Variants in UNC79 observed in about 807,000 individuals in gnomAD.
UNC79 encodes protein unc-79 homolog.
In UNC79, 37 loss-of-function variants were observed where a neutral mutation model predicts 283.1. The observed-to-expected ratio is 0.13, with a 90% CI of 0.10 to 0.17. The LOEUF is 0.17. UNC79 is among the 10% of genes least tolerant of loss of function. UNC79 has a pLI of 1.00. For synonymous variants in UNC79, 1,107 were observed against 1,200.2 expected, an observed-to-expected ratio of 0.92 and a Z score of 1.61; for missense variants, 2,272 against 3,211.1, an observed-to-expected ratio of 0.71 and a Z score of 7.07.
At position 93,603,105 on chromosome 14, in the gene UNC79, A is replaced by T. The variant is rs1035009417; in HGVS notation, c.3575-134A>T. On this transcript the variant is annotated intron_variant, in intron 25 of 48. Coordinates refer to ENST00000555664, the Ensembl canonical transcript of UNC79. ...GTTATTTTTGTATGTAGGACTCATC[A>T]TAGAGGGAGATGTATATCCATGAAA... 143 of 1,052,526 alleles carry T rather than the reference A, an allele frequency of 1.4e-4. No individual in the cohort carries two copies. In the Middle Eastern group the frequency reaches 2.8e-3, roughly 20 times the overall value. 65.2% of individuals were successfully genotyped at this position (1,052,526 alleles called of 1,614,324 possible). A position where few individuals can be genotyped will look rare whatever the true frequency, so the allele number is the denominator to read the frequency against.
At chr14:93,500,409 T>G (rs1479925691) in intron 7 of UNC79, among the ~76,000 whole-genome samples, 1 of 152,154 alleles carries the variant, frequency 6.6e-6, no homozygotes, top group Non-Finnish European at 1.5e-5. Flanking sequence ...GTAGCTCTCT[T>G]GAAACTCCCA....
chr14:93,632,057 C>T (rs1433772735), intron 31 of UNC79, among the ~76,000 whole-genome samples: 1 of 152,180 alleles, frequency 6.6e-6, no homozygotes, highest in Non-Finnish European at 1.5e-5. Flanking sequence ...AATTGAGATC[C>T]AGAGAAGCTA....
upstream of UNC79, among the ~76,000 whole-genome samples, chr14:93,426,441 T>C (rs1280875336): frequency 6.7e-6 from 1 of 150,322 alleles, no homozygotes; most frequent in Non-Finnish European, 1.5e-5. Flanking sequence ...TATTTTAAAA[T>C]AATATATTAA....
intron 4 of UNC79, among the ~76,000 whole-genome samples, chr14:93,478,463 T>C (rs928857798): frequency 2.6e-5 from 4 of 152,218 alleles, no homozygotes; most frequent in Admixed American, 2.6e-4. Context: ...GATTATGGAT[T>C]AATCTATGTT....
chr14:93,523,753 G>A (rs2060426086), intron 7 of UNC79, among the ~76,000 whole-genome samples: 1 of 152,168 alleles, frequency 6.6e-6, no homozygotes, highest in Admixed American at 6.5e-5. Flanking sequence ...TTGTGGTACT[G>A]TACATGCCAT....
At chr14:93,495,246 G>A (rs552528053) in intron 5 of UNC79, among the ~76,000 whole-genome samples, 89 of 152,282 alleles carry the variant, frequency 5.8e-4, no homozygotes, top group Admixed American at 1.0e-3. Context: ...TCCCAGTTCC[G>A]CATGGCTGGG....
chr14:93,613,632 T>A (rs1489402877), intron 27 of UNC79, among the ~76,000 whole-genome samples: 1 of 152,118 alleles, frequency 6.6e-6, no homozygotes, highest in African/African-American at 2.4e-5. Flanking sequence ...GCCAGGATGG[T>A]CTTGATCTCC....
chr14:93,601,972 G>A (rs553317083), intron 25 of UNC79, among the ~76,000 whole-genome samples: 7 of 151,968 alleles, frequency 4.6e-5, no homozygotes, highest in Non-Finnish European at 8.8e-5. Flanking sequence ...TTGCTGATTT[G>A]TTTGAGTTCC....
chr14:93,497,273 G>T (rs753480817), exon 7 of UNC79: 1 of 1,612,554 alleles, frequency 6.2e-7, no homozygotes, highest in Non-Finnish European at 8.5e-7. Context: ...AGTACAGGGG[G>T]TTGCAGTACA....
rs558212688 is a variant in UNC79 at position 93,402,213 on chromosome 14, A to G, written c.-350-65458A>G. On this transcript the variant is annotated intron_variant, in intron 1 of 49. Coordinates refer to the UNC79 transcript ENST00000256339. ...AATTGCTTGAACCCAAGATGCGGAG[A>G]TTGCACTGAGCTGAGATTGCACCAC... is the stretch of plus-strand genomic sequence containing the variant. Among the ~76,000 whole-genome samples the G allele has an allele frequency of 2.2e-5, 3 of 136,440 alleles. No individual in the cohort carries two copies. The South Asian group carries it at 7.5e-4, about 34-fold the overall frequency. The allele number at this position is 136,440 out of a possible 152,430, so 89.5% of individuals were successfully genotyped here.
At chr14:93,641,157 C>G (rs1208960919) in exon 33 of UNC79, 2 of 1,613,140 alleles carry the variant, frequency 1.2e-6, no homozygotes, top group African/African-American at 1.3e-5. Context: ...GCCACCAAAT[C>G]CAGCCTGCTA....
At chr14:93,551,815 T>C (rs532453914) in intron 14 of UNC79, among the ~76,000 whole-genome samples, 1 of 152,334 alleles carries the variant, frequency 6.6e-6, no homozygotes, top group East Asian at 1.9e-4. Flanking sequence ...CTGAGATATT[T>C]CACTCTCTTT....
intron 20 of UNC79, among the ~76,000 whole-genome samples, chr14:93,585,219 GT>G (rs1464114676): frequency 6.6e-6 from 1 of 152,106 alleles, no homozygotes; most frequent in Non-Finnish European, 1.5e-5. Flanking sequence ...GTTCCCTGCT[GT>G]TCAGAGCCTC....
intron 6 of UNC79, 50 bp from the exon 7 acceptor site, chr14:93,497,107 T>C (rs1199353858): frequency 1.3e-6 from 2 of 1,573,386 alleles, no homozygotes; most frequent in Non-Finnish European, 1.7e-6. Context: ...TCTCTACCTT[T>C]CTTTTTATTT....
chr14:93,435,676 G>T (rs1174194497), intron 1 of UNC79, among the ~76,000 whole-genome samples: 6 of 151,994 alleles, frequency 3.9e-5, no homozygotes, highest in Non-Finnish European at 8.8e-5. Flanking sequence ...ACACTTCCTT[G>T]CTCATTTATC....
chr14:93,505,532 T>A lies in UNC79; in HGVS notation c.898+8246T>A, dbSNP rs181622602. ...CTTTTCCCATCTTTTAATTTTCAAT[T>A]TTTTTGTATTCTTATATTTTATGTG... On this transcript the variant is annotated intron_variant, in intron 7 of 48. Coordinates refer to ENST00000555664, the Ensembl canonical transcript of UNC79. Among the ~76,000 whole-genome samples the A allele has an allele frequency of 1.9e-3, 288 of 152,202 alleles. 2 individuals are homozygous for A. The highest frequency in any genetic ancestry group is 6.6e-3 in the African/African-American group (273 of 41,556).
intron 40 of UNC79, among the ~76,000 whole-genome samples, chr14:93,663,553 TATACTGAGGCTTTCATTCTATTTAAAGC>T (rs1354179798): frequency 6.6e-6 from 1 of 152,208 alleles, no homozygotes; most frequent in Non-Finnish European, 1.5e-5. Context: ...AATCTAATTT[TATACTGAGGCTTTCATTCTATTTAAAGC>T]ATTCTTGTCC....
At chr14:93,357,765 ATATGGATATG>A (rs1456012986) in intron 1 of UNC79, among the ~76,000 whole-genome samples, 17 of 138,016 alleles carry the variant, frequency 1.2e-4, no homozygotes, top group African/African-American at 4.3e-4. Context: ...GGATATATAT[ATATGGATATG>A]TGGATATATG....
chr14:93,549,903 G>A (rs1438286580), intron 14 of UNC79, among the ~76,000 whole-genome samples: 2 of 152,334 alleles, frequency 1.3e-5, no homozygotes, highest in African/African-American at 4.8e-5. Flanking sequence ...CTTAGAATAT[G>A]TAAGAAGACA....
Sources: gnomAD v4.1 joint callset for allele counts (sites outside exome capture counted in the v4.1 genomes callset) on GRCh38, gnomAD v4.1.1 for gene constraint, MANE v1.5 for transcripts, NCBI Gene and HGNC (gene_info 2026-07-23, HGNC 2026-07-21) for gene names.